Variants in MYO16 observed in about 807,000 individuals in gnomAD.
The protein encoded by MYO16 is myosin XVI.
MYO16 carries 94 observed loss-of-function variants against 205.3 expected under a neutral mutation model. That is an observed-to-expected ratio of 0.46 (90% confidence interval 0.39 to 0.54). MYO16 has a LOEUF of 0.54. Among genes scored for constraint, MYO16 ranks in the 20% least tolerant of loss-of-function variants. The pLI, the probability that MYO16 is intolerant of heterozygous loss-of-function variation, is 0.00. For synonymous variants in MYO16, 988 were observed against 954.0 expected (o/e 1.04, Z -0.66); for missense variants, 2,315 against 2,387.5 (o/e 0.97, Z 0.63).
intron 9 of MYO16, among the ~76,000 whole-genome samples, chr13:108,830,768 C>T (rs991910916): frequency 3.3e-5 from 5 of 152,028 alleles, no homozygotes; most frequent in African/African-American, 7.2e-5. Context: ...AATAATAAAA[C>T]GTCAGATATT....
the MYO16 span, among the ~76,000 whole-genome samples, chr13:108,519,801 T>A: frequency 6.6e-6 from 1 of 152,182 alleles, no homozygotes; most frequent in Non-Finnish European, 1.5e-5. Context: ...CGGGAATGAA[T>A]CCTTTATGTC....
the MYO16 span, among the ~76,000 whole-genome samples, chr13:108,530,395 C>G: frequency 6.6e-6 from 1 of 152,200 alleles, no homozygotes; most frequent in Non-Finnish European, 1.5e-5. Context: ...TTTGGTGTGA[C>G]AGGATAACAC....
chr13:108,808,878 A>C (rs551605045), intron 7 of MYO16, among the ~76,000 whole-genome samples: 1 of 152,316 alleles, frequency 6.6e-6, no homozygotes, highest in South Asian at 2.1e-4. Context: ...GCCCAATCTA[A>C]TTGTCACTTC....
At chr13:108,588,024 A>G in the MYO16 span, among the ~76,000 whole-genome samples, 1 of 152,212 alleles carries the variant, frequency 6.6e-6, no homozygotes, top group South Asian at 2.1e-4. Context: ...TAAAATATCT[A>G]AATAAGGAAA....
rs67656911 is a variant in MYO16, at chr13:109,073,108, C to CTT, written c.3335+17523_3335+17524dup. Among the ~76,000 whole-genome samples, 892 of 148,090 alleles carry CTT rather than the reference C, an allele frequency of 6.0e-3. 9 individuals are homozygous for CTT. The highest frequency in any genetic ancestry group is 0.017 in the African/African-American group (697 of 40,372). ...AGTATAGAGTGAAATTATGGAATAT[C>CTT]TTTTTTTTTTTGAGATGGAGTCTCG... On this transcript the variant is annotated intron_variant, in intron 27 of 34. Transcript: ENST00000457511.
chr13:108,840,097 T>C (rs1325315251), intron 9 of MYO16, among the ~76,000 whole-genome samples: 2 of 152,196 alleles, frequency 1.3e-5, no homozygotes, highest in Non-Finnish European at 2.9e-5. Flanking sequence ...AACATGGTAG[T>C]TTTACTGACT....
At chr13:108,760,636 A>G (rs1273270999) in intron 4 of MYO16, among the ~76,000 whole-genome samples, 1 of 152,192 alleles carries the variant, frequency 6.6e-6, no homozygotes, top group Non-Finnish European at 1.5e-5. Context: ...CATTACAGAA[A>G]GAAGTATAAG....
At chr13:108,847,412 A>T (rs1038007593) in intron 10 of MYO16, among the ~76,000 whole-genome samples, 3 of 152,170 alleles carry the variant, frequency 2.0e-5, no homozygotes, top group Non-Finnish European at 2.9e-5. Flanking sequence ...TCTTGCCCAC[A>T]AGGTGCTAGC....
rs868113903 is a variant in MYO16 at position 108,659,100 on chromosome 13, T to C, written c.29-6786T>C. 1.5e-4 allele frequency among the ~76,000 whole-genome samples: 22 copies of C among 151,362 alleles called. No individual in the cohort carries two copies. In the Middle Eastern group the frequency reaches 0.014, roughly 96 times the overall value. Reference sequence around the variant, plus strand: ...TTCATTTTCCTCTTCACTTTACTCTTTATATTTCTAGTTAGTTATAACATA... The same window carrying C: ...TTCATTTTCCTCTTCACTTTACTCTCTATATTTCTAGTTAGTTATAACATA... On this transcript the variant is annotated intron_variant, in intron 1 of 34. Transcript: ENST00000457511.
the MYO16 span, among the ~76,000 whole-genome samples, chr13:108,590,774 C>T: frequency 6.6e-6 from 1 of 152,076 alleles, no homozygotes; most frequent in South Asian, 2.1e-4. Flanking sequence ...CAAAGATTGC[C>T]AGCCACCACT....
At chr13:108,761,632 A>C (rs1445136985) in intron 4 of MYO16, among the ~76,000 whole-genome samples, 1 of 152,202 alleles carries the variant, frequency 6.6e-6, no homozygotes, top group Non-Finnish European at 1.5e-5. Flanking sequence ...CATCCGCTTG[A>C]GTCTCATCTC....
intron 27 of MYO16, among the ~76,000 whole-genome samples, chr13:109,091,540 C>T (rs1189361995): frequency 6.6e-6 from 1 of 152,218 alleles, no homozygotes; most frequent in Admixed American, 6.5e-5. Context: ...ATTGACGCCA[C>T]AGTCACCAAA....
the MYO16 span, among the ~76,000 whole-genome samples, chr13:108,509,307 A>G: frequency 6.6e-6 from 1 of 152,186 alleles, no homozygotes; most frequent in Non-Finnish European, 1.5e-5. Flanking sequence ...TTTCTCTCCT[A>G]CAGAAACTAG....
intron 20 of MYO16, among the ~76,000 whole-genome samples, chr13:108,978,366 A>C (rs570205717): frequency 9.2e-5 from 14 of 152,220 alleles, no homozygotes; most frequent in African/African-American, 3.4e-4. Flanking sequence ...GCAACTAAAT[A>C]TTTGCCATTA....
At chr13:108,547,145 A>G in the MYO16 span, among the ~76,000 whole-genome samples, 1 of 151,668 alleles carries the variant, frequency 6.6e-6, no homozygotes, top group Non-Finnish European at 1.5e-5. Flanking sequence ...CATGGCGGGC[A>G]CCTGTAGTCC....
At chr13:108,950,382 C>T (rs922257535) in intron 16 of MYO16, among the ~76,000 whole-genome samples, 4 of 152,062 alleles carry the variant, frequency 2.6e-5, no homozygotes, top group Non-Finnish European at 5.9e-5. Context: ...GGGCAAAAGA[C>T]ATGAAGGGAT....
At chr13:108,646,681 G>A (rs935819068) in intron 1 of MYO16, among the ~76,000 whole-genome samples, 1 of 152,050 alleles carries the variant, frequency 6.6e-6, no homozygotes, top group Non-Finnish European at 1.5e-5. Flanking sequence ...TTAGATATAG[G>A]TATATTTAGG....
Position 108,883,169 on chromosome 13 carries a change from TC to T in MYO16, c.1537del (p.Gln513SerfsTer21). On this transcript the variant is annotated frameshift_variant, in exon 13 of 35. Transcript: ENST00000457511. LOFTEE classifies it high-confidence loss of function. ...ACCAGCTCTTCCGGGAACAGCGGCC[TC>T]AGTGTTTCATCCTCAGGTGAGTCCT... ...FHQLFREQRPQCFILSGERGS... is the reference protein window; with the variant it reads ...FHQLFREQRPXCFILSGERGS... 6.2e-7 allele frequency: 1 copy of T among 1,613,950 alleles called. No individual in the cohort carries two copies. Among genetic ancestry groups the T allele is most frequent in the Non-Finnish European group, 8.5e-7 (1 of 1,179,870 alleles).
Position 109,117,368 on chromosome 13 carries a change from AATAT to A in MYO16, c.3439-2996_3439-2993del, listed in dbSNP as rs199993666. On this transcript the variant is annotated intron_variant, in intron 28 of 34. Transcript: ENST00000457511. ...GAGATGCAAATATATATAATATGCA[AATAT>A]ATATAATATATGCGTGTGTATATAT... 4.5e-5 allele frequency among the ~76,000 whole-genome samples: 6 copies of A among 133,330 alleles called. No individual in the cohort carries two copies. The East Asian group carries it at 1.2e-3, about 26-fold the overall frequency. 87.5% of individuals were successfully genotyped at this position (133,330 alleles called of 152,430 possible).
Sources: allele counts gnomAD v4.1 joint callset (sites outside exome capture counted in the v4.1 genomes callset), GRCh38; gene constraint gnomAD v4.1.1; transcripts MANE v1.5; gene names NCBI Gene and HGNC (gene_info 2026-07-23, HGNC 2026-07-21).